The following AGBL4 variants were observed in gnomAD, a reference collection of about 807,000 sequenced individuals.
AGBL4 encodes AGBL carboxypeptidase 4, also known as cytosolic carboxypeptidase 6.
A neutral mutation model predicts 66.4 loss-of-function variants in AGBL4; 58 were observed. The observed-to-expected ratio is 0.87, with a 90% confidence interval of 0.71 to 1.09. AGBL4 has a LOEUF of 1.09. AGBL4 is among the 50% of genes least tolerant of loss of function. The probability of loss-of-function intolerance (pLI) is 0.00; values close to 1 mark genes in which losing one functional copy is unlikely to be tolerated. For synonymous variants in AGBL4, 234 were observed against 222.9 expected (o/e 1.05, Z -0.44); for missense variants, 579 against 631.0 (o/e 0.92, Z 0.88).
chr1:49,688,547 C>T (rs1646828511), intron 3 of AGBL4, among the ~76,000 whole-genome samples: 1 of 152,162 alleles, frequency 6.6e-6, no homozygotes, highest in Non-Finnish European at 1.5e-5. Flanking sequence ...CATGACATTG[C>T]AAATATATCT....
intron 5 of AGBL4, among the ~76,000 whole-genome samples, chr1:49,019,812 G>A (rs1425723737): frequency 2.0e-5 from 3 of 152,112 alleles, no homozygotes; most frequent in African/African-American, 4.8e-5. Context: ...GGTTCATATT[G>A]CAAGTCTCAA....
intron 6 of AGBL4, among the ~76,000 whole-genome samples, chr1:48,850,271 C>A (rs1393195087): frequency 6.6e-6 from 1 of 152,310 alleles, no homozygotes; most frequent in African/African-American, 2.4e-5. Flanking sequence ...ATCCCTTCAA[C>A]TGAGGTGACT....
intron 6 of AGBL4, among the ~76,000 whole-genome samples, chr1:48,862,342 T>G (rs940513528): frequency 6.6e-6 from 1 of 152,180 alleles, no homozygotes; most frequent in African/African-American, 2.4e-5. Context: ...AAAAAATTTT[T>G]TATATTTTTT....
At chr1:49,834,465 G>A (rs535730916) in intron 2 of AGBL4, among the ~76,000 whole-genome samples, 13 of 151,922 alleles carry the variant, frequency 8.6e-5, no homozygotes, top group South Asian at 4.2e-4. Flanking sequence ...TATTTGATTC[G>A]TCTTGCTTTT....
At chr1:49,174,286 G>C (rs1226180765) in intron 4 of AGBL4, among the ~76,000 whole-genome samples, 1 of 152,028 alleles carries the variant, frequency 6.6e-6, no homozygotes, top group Non-Finnish European at 1.5e-5. Context: ...GGTGAGTTGA[G>C]TTGATATTCA....
chr1:48,545,061 A>G (rs1644136831), intron 11 of AGBL4, among the ~76,000 whole-genome samples: 1 of 152,162 alleles, frequency 6.6e-6, no homozygotes, highest in South Asian at 2.1e-4. Flanking sequence ...CACCTAGTTG[A>G]TGAATAACAT....
intron 3 of AGBL4, among the ~76,000 whole-genome samples, chr1:49,557,628 C>G (rs930584656): frequency 1.3e-5 from 2 of 152,118 alleles, no homozygotes; most frequent in Admixed American, 6.5e-5. Flanking sequence ...GTGGTCTCAA[C>G]TTGAGTTCCT....
intron 4 of AGBL4, among the ~76,000 whole-genome samples, chr1:49,083,949 A>G (rs1417896052): frequency 6.6e-6 from 1 of 152,226 alleles, no homozygotes; most frequent in Non-Finnish European, 1.5e-5. Context: ...AAAGATCTCT[A>G]GAGCAAGGGC....
intron 4 of AGBL4, among the ~76,000 whole-genome samples, chr1:49,208,798 G>A (rs542335096): frequency 1.1e-4 from 16 of 152,230 alleles, no homozygotes; most frequent in African/African-American, 3.8e-4. Flanking sequence ...GGCCGTGCCT[G>A]ACTTGGCTTC....
At chr1:48,867,331 T>G in intron 5 of AGBL4, 101 bp from the exon 6 acceptor site, 3 of 1,169,196 alleles carry the variant, frequency 2.6e-6, no homozygotes, top group Non-Finnish European at 2.5e-6. Flanking sequence ...TGGGACATAC[T>G]GCAGGGTAAA....
intron 5 of AGBL4, among the ~76,000 whole-genome samples, chr1:49,041,318 C>T (rs569942599): frequency 6.6e-6 from 1 of 152,068 alleles, no homozygotes; most frequent in East Asian, 1.9e-4. Context: ...ATCAACTTGT[C>T]TGCAAAAGTA....
chr1:49,290,033 T>C (rs1386615602), intron 3 of AGBL4, among the ~76,000 whole-genome samples: 1 of 152,138 alleles, frequency 6.6e-6, no homozygotes, highest in Non-Finnish European at 1.5e-5. Context: ...ATCCTAAAAA[T>C]ATAAAAAGAT....
chr1:49,846,391 C>T, intron 2 of AGBL4: 1 of 1,538,834 alleles, frequency 6.5e-7, no homozygotes, highest in Non-Finnish European at 8.9e-7. Context: ...AGAGAACTCA[C>T]ACTGGATAAA....
At chr1:48,556,517 A>G (rs1260808544) in intron 11 of AGBL4, among the ~76,000 whole-genome samples, 1 of 152,196 alleles carries the variant, frequency 6.6e-6, no homozygotes, top group Non-Finnish European at 1.5e-5. Flanking sequence ...AACCAGTTCT[A>G]TGCCACTTGT....
At chr1:48,950,631 TGA>T (rs913724949) in intron 5 of AGBL4, among the ~76,000 whole-genome samples, 3 of 152,162 alleles carry the variant, frequency 2.0e-5, no homozygotes, top group East Asian at 1.9e-4. Context: ...AATAAGTGCA[TGA>T]GAGAGTCTTT....
intron 4 of AGBL4, among the ~76,000 whole-genome samples, chr1:49,188,696 G>A (rs1415894363): frequency 6.6e-6 from 1 of 152,018 alleles, no homozygotes; most frequent in African/African-American, 2.4e-5. Context: ...AAAGCAACTT[G>A]GTACATCAGT....
At chr1:49,743,539 C>T (rs1177716109) in intron 2 of AGBL4, among the ~76,000 whole-genome samples, 1 of 152,192 alleles carries the variant, frequency 6.6e-6, no homozygotes, top group African/African-American at 2.4e-5. Flanking sequence ...TTGACCCAGA[C>T]ATCCCATTAC....
intron 3 of AGBL4, among the ~76,000 whole-genome samples, chr1:49,598,510 G>A (rs1392408949): frequency 6.6e-6 from 1 of 152,226 alleles, no homozygotes; most frequent in African/African-American, 2.4e-5. Context: ...GGTATCAGCA[G>A]CGGTGGCTGG....
At chr1:49,346,632 T>C (rs2356392) in intron 3 of AGBL4, among the ~76,000 whole-genome samples, 124,613 of 152,120 alleles carry the variant, frequency 0.82, 51,790 homozygotes, top group African/African-American at 0.96. Flanking sequence ...TTATGAATGG[T>C]CCTCACCATA....
Sources: gnomAD v4.1 joint callset for allele counts (sites outside exome capture counted in the v4.1 genomes callset) on GRCh38, gnomAD v4.1.1 for gene constraint, MANE v1.5 for transcripts, NCBI Gene and HGNC (gene_info 2026-07-23, HGNC 2026-07-21) for gene names.